Variants in ACRBP observed in about 807,000 individuals in gnomAD.
The protein encoded by ACRBP is acrosin-binding protein.
A neutral mutation model predicts 69.0 loss-of-function variants in ACRBP; 52 were observed. That is an observed-to-expected ratio of 0.75 (90% CI 0.60 to 0.95). The LOEUF is 0.95. Among genes scored for constraint, ACRBP ranks in the 40% least tolerant of loss-of-function variants. The pLI is 0.00. For missense variants in ACRBP, 604 were observed against 673.0 expected (o/e 0.90, Z 1.13); for synonymous variants, 267 against 258.9 (o/e 1.03, Z -0.30).
In ACRBP at chr12:6,647,412, A is replaced by G. The variant is rs975882691; in HGVS notation, c.-46T>C. 1 of 1,492,698 alleles carries G rather than the reference A, an allele frequency of 6.7e-7. No individual in the cohort carries two copies. 92.5% of individuals were successfully genotyped at this position (1,492,698 alleles called of 1,614,324 possible). A position where few individuals can be genotyped will look rare whatever the true frequency, so the allele number is the denominator to read the frequency against. Reference sequence around the variant, plus strand: ...CGTCCCGTGGACACAAGCCGCCTCTAACGGGCCAAGCCGCAGAGAGAGCCG... The same window carrying G: ...CGTCCCGTGGACACAAGCCGCCTCTGACGGGCCAAGCCGCAGAGAGAGCCG... On this transcript the variant is annotated 5_prime_UTR_variant, in exon 1 of 10. Transcript: ENST00000229243.
chr12:6,641,970 C>T (rs905829848), intron 6 of ACRBP, among the ~76,000 whole-genome samples: 1 of 152,190 alleles, frequency 6.6e-6, no homozygotes, highest in South Asian at 2.1e-4. Context: ...CTACCAAGCC[C>T]CTTCTTTTGC....
chr12:6,638,547 T>C, intron 9 of ACRBP, 143 bp from the exon 10 acceptor site: 1 of 1,306,242 alleles, frequency 7.7e-7, no homozygotes, highest in East Asian at 2.4e-5. Context: ...GAAACTCAAA[T>C]GTGGGTTTTT....
In ACRBP at chr12:6,644,304, T is replaced by C; in HGVS notation, c.777A>G (p.Glu259=). 1 of 1,614,166 alleles carries C rather than the reference T, an allele frequency of 6.2e-7. No individual in the cohort carries two copies. The highest frequency in any genetic ancestry group is 8.5e-7 in the Non-Finnish European group (1 of 1,180,042). The change falls in exon 5 of 10, where the codon GAA becomes GAG. Residue 259 remains glutamate (E), a synonymous_variant. Transcript: ENST00000229243. ...AAGAGGAAGGGTTAGAAGATAGAGATTCAGAGTGAAACTTGGGCTCTGAGT... is the reference window on the plus strand; with the variant it reads ...AAGAGGAAGGGTTAGAAGATAGAGACTCAGAGTGAAACTTGGGCTCTGAGT... The part of the protein sequence containing the change: ...QTDSEPKFHS[E]SLSSNPSSFA...
In ACRBP at chr12:6,645,257, G is replaced by T. The variant is rs1411523791; in HGVS notation, c.438C>A (p.Pro146=). 1 of 1,613,800 alleles carries T rather than the reference G, an allele frequency of 6.2e-7. No homozygotes were observed. The highest frequency in any genetic ancestry group is 2.2e-5 in the East Asian group (1 of 44,884). ...KEIEASAEVS[P]TTMTSPISPH... ...GTGAGATGGGGGAGGTCATCGTGGT[G>T]GGTGAGACTTCAGCTGAAGCTTCTA... is the stretch of plus-strand genomic sequence containing the variant. The change falls in exon 4 of 10, where the codon CCC becomes CCA. Residue 146 remains proline, a synonymous_variant. Coordinates refer to ENST00000229243, the MANE Select transcript of ACRBP (RefSeq NM_032489.3).
At chr12:6,646,123 C>CTTTT (rs1949086418) in intron 3 of ACRBP, among the ~76,000 whole-genome samples, 1 of 131,818 alleles carries the variant, frequency 7.6e-6, no homozygotes, top group African/African-American at 3.4e-5. Flanking sequence ...CCAAGCCCGG[C>CTTTT]TATTTTTTTT....
chr12:6,638,574 T>A, intron 9 of ACRBP, 170 bp from the exon 10 acceptor site: 1 of 1,222,584 alleles, frequency 8.2e-7, no homozygotes, highest in Non-Finnish European at 1.1e-6. Context: ...AGAGGAGACA[T>A]CAAGCAGCCC....
chr12:6,645,181 G>C (rs750062153), intron 4 of ACRBP, 39 bp downstream of exon 4: 7 of 1,476,422 alleles, frequency 4.7e-6, no homozygotes, highest in Non-Finnish European at 5.6e-6. Flanking sequence ...GGAGTTGTGG[G>C]AGTAGCTGGT....
chr12:6,639,395 G>A (rs1025254748), intron 8 of ACRBP, among the ~76,000 whole-genome samples: 4 of 152,240 alleles, frequency 2.6e-5, no homozygotes, highest in South Asian at 2.1e-4. Context: ...GTAGATAAGG[G>A]AAGGGGGAAG....
At chr12:6,642,802 T>G (rs1260891503) in intron 6 of ACRBP, among the ~76,000 whole-genome samples, 1 of 152,224 alleles carries the variant, frequency 6.6e-6, no homozygotes, top group Non-Finnish European at 1.5e-5. Flanking sequence ...ATCTAAGGTA[T>G]ATTTTCCTGG....
At position 6,643,647 on chromosome 12, in the gene ACRBP, C is replaced by T. The variant is rs752303255; in HGVS notation, c.969G>A (p.Glu323=). The T allele has an allele frequency of 6.2e-7, 1 of 1,614,200 alleles. No individual in the cohort carries two copies. The highest frequency in any genetic ancestry group is 8.5e-7 in the Non-Finnish European group (1 of 1,180,014). Residue 323 remains glutamate, a synonymous_variant, in exon 6 of 10, where the codon GAG becomes GAA. Coordinates refer to ENST00000229243, the MANE Select transcript of ACRBP (RefSeq NM_032489.3). Reference sequence around the variant, plus strand: ...TCGAATAGCACAGCACCAGCAAGGCCTCTGTGTGGGGCAGCTGCAGGAGGC... The same window carrying T: ...TCGAATAGCACAGCACCAGCAAGGCTTCTGTGTGGGGCAGCTGCAGGAGGC... The part of the protein sequence containing the change: ...PGSLLQLPHT[E]ALLVLCYSIV...
chr12:6,639,126 G>A (rs757178083), intron 8 of ACRBP, 89 bp from the exon 9 acceptor site: 128 of 1,257,878 alleles, frequency 1.0e-4, no homozygotes, highest in Non-Finnish European at 1.4e-4. Flanking sequence ...GGCAGAGCCA[G>A]GGGCAGGGTG....
At chr12:6,644,033 G>C in intron 5 of ACRBP, 104 bp downstream of exon 5, 1 of 1,503,386 alleles carries the variant, frequency 6.7e-7, no homozygotes, top group Non-Finnish European at 8.9e-7. Context: ...AGTCCAGACA[G>C]GTCTGAGTGG....
chr12:6,638,369 G>T lies in ACRBP; in HGVS notation c.1545C>A (p.Tyr515Ter), dbSNP rs555669427. 6.2e-7 allele frequency: 1 copy of T among 1,614,098 alleles called. No individual in the cohort carries two copies. The highest frequency in any genetic ancestry group is 1.1e-5 in the South Asian group (1 of 91,090). Residue 515 changes from tyrosine (Y) to a stop codon, truncating the protein, a stop_gained, in exon 10 of 10, where the codon TAC becomes TAA. Transcript: ENST00000229243. LOFTEE classifies it high-confidence loss of function. ...CACTTTTGCCAGGGCTCAGCGCACTGTAAGTCTCATTCTGCAGACATCTCA... is the reference window on the plus strand; with the variant it reads ...CACTTTTGCCAGGGCTCAGCGCACTTTAAGTCTCATTCTGCAGACATCTCA... ...SRMRCLQNET[Y>*]SALSPGKSED... is the part of the protein sequence containing the mutation.
intron 3 of ACRBP, among the ~76,000 whole-genome samples, chr12:6,645,657 G>GTTTTTTT (rs1453217673): frequency 3.9e-5 from 1 of 25,942 alleles, no homozygotes; most frequent in African/African-American, 1.1e-4. Flanking sequence ...TTTTGGGTTT[G>GTTTTTTT]TTTTTTTTGT....
Position 6,645,311 on chromosome 12 carries a change from A to G in ACRBP, c.384T>C (p.Ser128=). ...AKRVLCSQPV[S]ILSPNTLKEI... is the part of the protein sequence containing the mutation. ...CCTTGAGAGTGTTAGGTGAGAGAATAGAGACTGGCTGGGAACACAGGACTC... is the reference window on the plus strand; with the variant it reads ...CCTTGAGAGTGTTAGGTGAGAGAATGGAGACTGGCTGGGAACACAGGACTC... Residue 128 remains serine, a synonymous_variant, in exon 4 of 10, where the codon TCT becomes TCC. Transcript: ENST00000229243. 1 of 1,613,708 alleles carries G rather than the reference A, an allele frequency of 6.2e-7. No individual in the cohort carries two copies. The highest frequency in any genetic ancestry group is 8.5e-7 in the Non-Finnish European group (1 of 1,179,824).
Position 6,643,605 on chromosome 12 carries a change from G to A in ACRBP, c.1011C>T (p.Cys337=), listed in dbSNP as rs1949068153. 1.2e-6 allele frequency: 2 copies of A among 1,614,246 alleles called. No individual in the cohort carries two copies. The highest frequency in any genetic ancestry group is 1.7e-6 in the Non-Finnish European group (2 of 1,180,046). Residue 337 remains cysteine (C), a synonymous_variant, in exon 6 of 10, where the codon TGC becomes TGT. Transcript: ENST00000229243. ...AGGCCTTGGCTGTGGGGGTTATGAT[G>A]CAGGTATTCTCCACGATCGAATAGC... ...VLCYSIVENT[C]IITPTAKAWK...
At chr12:6,647,161 G>C in intron 1 of ACRBP, 149 bp from the exon 2 acceptor site, 1 of 1,108,334 alleles carries the variant, frequency 9.0e-7, no homozygotes, top group South Asian at 1.4e-5. Flanking sequence ...CAGAGGCAAA[G>C]GTCCGGCCGC....
At chr12:6,644,679 GAC>G in intron 4 of ACRBP, 74 bp from the exon 5 acceptor site, 2 of 1,523,440 alleles carry the variant, frequency 1.3e-6, no homozygotes, top group East Asian at 2.3e-5. Flanking sequence ...TTCACAGAGG[GAC>G]ACACACATAA....
chr12:6,638,643 G>C lies in ACRBP; in HGVS notation c.1510-239C>G, dbSNP rs141734827. On this transcript the variant is annotated intron_variant, in intron 9 of 9. Transcript: ENST00000229243. ...TCAGAGGGGGAAGTGCCTCATCCCA[G>C]GCTACTTGGTGAGTAAGAAGAGGAG... 910 of 1,369,402 alleles carry C rather than the reference G, an allele frequency of 6.6e-4. 1 individual carries two copies. Among genetic ancestry groups the C allele is most frequent in the Non-Finnish European group, 7.7e-4 (806 of 1,042,388 alleles). 84.8% of individuals were successfully genotyped at this position (1,369,402 alleles called of 1,614,324 possible). A position where few individuals can be genotyped will look rare whatever the true frequency, so the allele number is the denominator to read the frequency against.
Sources: gnomAD v4.1 joint callset for allele counts (sites outside exome capture counted in the v4.1 genomes callset) on GRCh38, gnomAD v4.1.1 for gene constraint, MANE v1.5 for transcripts, NCBI Gene and HGNC (gene_info 2026-07-23, HGNC 2026-07-21) for gene names.